ANKFN1: variants seen among roughly 807,000 people sequenced by gnomAD.
The protein encoded by ANKFN1 is ankyrin repeat and fibronectin type-III domain-containing protein 1.
Under a neutral mutation model 108.7 loss-of-function variants are expected in ANKFN1, and 74 were observed. The ratio of observed to expected loss-of-function variants is 0.68; its 90% CI spans 0.56 to 0.83. The LOEUF (loss-of-function observed/expected upper bound fraction) is 0.83. Ranked by LOEUF, ANKFN1 falls within the 40% of genes least tolerant of loss-of-function variation. The probability of loss-of-function intolerance (pLI) is 0.00; values close to 1 mark genes in which losing one functional copy is unlikely to be tolerated. For synonymous variants in ANKFN1, 547 were observed against 516.2 expected (o/e 1.06, Z -0.81); for missense variants, 1,505 against 1,382.3 (o/e 1.09, Z -1.41).
At chr17:56,472,069 G>GA (rs2050336740) in intron 15 of ANKFN1, 1 of 152,126 alleles carries the variant, frequency 6.6e-6, no homozygotes, top group Admixed American at 6.5e-5. Context: ...AAAATAAAAA[G>GA]AAACAAGTGT....
intron 1 of ANKFN1, among the ~76,000 whole-genome samples, chr17:56,183,990 G>C (rs1298011413): frequency 3.3e-5 from 5 of 152,144 alleles, no homozygotes; most frequent in Non-Finnish European, 4.4e-5. Flanking sequence ...CAAAGAAAGT[G>C]GTTTCTTGCC....
At chr17:56,131,873 T>G (rs966165313) in intron 4 of ANKFN1, among the ~76,000 whole-genome samples, 1 of 152,220 alleles carries the variant, frequency 6.6e-6, no homozygotes, top group Non-Finnish European at 1.5e-5. Context: ...CAATTTCTTT[T>G]AAAGATGAGA....
intron 8 of ANKFN1, among the ~76,000 whole-genome samples, chr17:56,418,018 A>C (rs1254400473): frequency 6.6e-6 from 1 of 152,160 alleles, no homozygotes; most frequent in African/African-American, 2.4e-5. Context: ...AATTTCTTTC[A>C]ACTTTTATTT....
At chr17:56,256,850 C>G (rs921375551) in intron 3 of ANKFN1, among the ~76,000 whole-genome samples, 1 of 152,182 alleles carries the variant, frequency 6.6e-6, no homozygotes, top group Non-Finnish European at 1.5e-5. Context: ...TTACCAAATA[C>G]TACTATCCCC....
chr17:56,204,474 G>A (rs1320005193), intron 1 of ANKFN1, among the ~76,000 whole-genome samples: 4 of 151,768 alleles, frequency 2.6e-5, no homozygotes, highest in Admixed American at 6.6e-5. Flanking sequence ...CAGAGTAGCC[G>A]GGATTACAGG....
chr17:56,087,552 T>A (rs1314408215), intron 4 of ANKFN1, among the ~76,000 whole-genome samples: 1 of 151,318 alleles, frequency 6.6e-6, no homozygotes, highest in Non-Finnish European at 1.5e-5. Flanking sequence ...GATGGTGACA[T>A]CTGTTTCCAT....
chr17:56,379,109 A>G (rs1262670814), intron 8 of ANKFN1, among the ~76,000 whole-genome samples: 2 of 152,184 alleles, frequency 1.3e-5, no homozygotes, highest in East Asian at 3.8e-4. Context: ...TATACATATA[A>G]AAGGTCAGGC....
chr17:56,158,764 A>G (rs1407835162), intron 1 of ANKFN1, among the ~76,000 whole-genome samples: 1 of 152,224 alleles, frequency 6.6e-6, no homozygotes, highest in African/African-American at 2.4e-5. Context: ...CACCGCATGT[A>G]TTTTCCCCCC....
intron 14 of ANKFN1, 150 bp from the exon 15 acceptor site, chr17:56,466,206 G>A: frequency 1.5e-6 from 1 of 658,472 alleles, no homozygotes; most frequent in East Asian, 2.7e-5. Context: ...TGTCTATGAT[G>A]CCATATATTC....
In ANKFN1 at chr17:56,305,726, C is replaced by G. The variant is rs544164093; in HGVS notation, c.54-20495C>G. 1.4e-3 allele frequency among the ~76,000 whole-genome samples: 210 copies of G among 151,984 alleles called. 1 individual carries two copies. Among genetic ancestry groups the G allele is most frequent in the African/African-American group, 5.0e-3 (206 of 41,412 alleles). On this transcript the variant is annotated intron_variant, in intron 3 of 20. Coordinates refer to ENST00000682825, the MANE Select transcript of ANKFN1 (RefSeq NM_001370326.1). ...TTTAAAACTCTTCCTAGTACTAGAC[C>G]CTGAAGATATTTTTCTATGTTTTTT...
intron 2 of ANKFN1, among the ~76,000 whole-genome samples, chr17:56,220,721 G>A (rs113213938): frequency 4.1e-5 from 6 of 146,182 alleles, no homozygotes; most frequent in South Asian, 2.2e-4. Context: ...AAAGGGAAAC[G>A]GAAAAGGAAA....
intron 8 of ANKFN1, among the ~76,000 whole-genome samples, chr17:56,421,324 C>T (rs536355731): frequency 2.0e-5 from 3 of 152,202 alleles, no homozygotes; most frequent in South Asian, 4.2e-4. Context: ...CTGGGTGAAA[C>T]GTATGTCAGT....
At chr17:56,449,485 C>G (rs2049414430) in intron 11 of ANKFN1, among the ~76,000 whole-genome samples, 2 of 152,088 alleles carry the variant, frequency 1.3e-5, no homozygotes, top group South Asian at 4.1e-4. Context: ...CACAAGAGTC[C>G]TCAACGGGGC....
At chr17:56,292,077 A>C (rs915876735) in intron 3 of ANKFN1, among the ~76,000 whole-genome samples, 1 of 152,178 alleles carries the variant, frequency 6.6e-6, no homozygotes, top group Non-Finnish European at 1.5e-5. Context: ...TCTCAGAAGG[A>C]GGAGATTGGT....
At position 56,504,925 on chromosome 17, in the gene ANKFN1, G is replaced by A. The variant is rs142815516; in HGVS notation, c.2645-5548G>A. 7.7e-3 allele frequency among the ~76,000 whole-genome samples: 1,152 copies of A among 150,502 alleles called. 13 individuals are homozygous for A. Among genetic ancestry groups the A allele is most frequent in the African/African-American group, 0.026 (1,070 of 40,822 alleles). Reference sequence around the variant, plus strand: ...TGACCTCAAGTGATCCACCCGCCTCGGCCTCCCAAAGTGCTGGGATTACAG... The same window carrying A: ...TGACCTCAAGTGATCCACCCGCCTCAGCCTCCCAAAGTGCTGGGATTACAG... On this transcript the variant is annotated intron_variant, in intron 20 of 20. Coordinates refer to ENST00000682825, the MANE Select transcript of ANKFN1 (RefSeq NM_001370326.1).
chr17:56,065,130 C>A (rs535457275), intron 4 of ANKFN1, among the ~76,000 whole-genome samples: 2 of 152,254 alleles, frequency 1.3e-5, no homozygotes, highest in African/African-American at 4.8e-5. Context: ...TCAATGGGAG[C>A]CTCAGATTGC....
At chr17:56,056,852 T>C (rs1383722961) in intron 4 of ANKFN1, among the ~76,000 whole-genome samples, 1 of 152,222 alleles carries the variant, frequency 6.6e-6, no homozygotes, top group South Asian at 2.1e-4. Flanking sequence ...CAGTGAAGTT[T>C]GCTGCATTGT....
At chr17:56,146,582 G>A (rs6505040) in intron 4 of ANKFN1, among the ~76,000 whole-genome samples, 112,278 of 152,162 alleles carry the variant, frequency 0.74, 42,522 homozygotes, top group East Asian at 0.94. Context: ...GTTAGCCACT[G>A]AGACTTAGGG....
intron 1 of ANKFN1, among the ~76,000 whole-genome samples, chr17:56,193,610 C>A (rs986570777): frequency 6.6e-6 from 1 of 150,710 alleles, no homozygotes; most frequent in Non-Finnish European, 1.5e-5. Flanking sequence ...TAGACACAGA[C>A]CTTACACATT....
Sources: allele counts gnomAD v4.1 joint callset (sites outside exome capture counted in the v4.1 genomes callset), GRCh38; gene constraint gnomAD v4.1.1; transcripts MANE v1.5; gene names NCBI Gene and HGNC (gene_info 2026-07-23, HGNC 2026-07-21).